Variants in DNAJC5B observed in about 807,000 individuals in gnomAD.
DNAJC5B encodes the protein dnaJ homolog subfamily C member 5B.
In DNAJC5B, 23 loss-of-function variants were observed where a neutral mutation model predicts 24.7. The ratio of observed to expected loss-of-function variants is 0.93; its 90% CI spans 0.67 to 1.32. The LOEUF (loss-of-function observed/expected upper bound fraction) is 1.32, where lower values mean the gene tolerates loss of function less well. Ranked by LOEUF, DNAJC5B falls within the 40% of genes most tolerant of loss-of-function variation. DNAJC5B has a pLI of 0.00. For synonymous variants in DNAJC5B, 101 were observed against 90.1 expected, an observed-to-expected ratio of 1.12 and a Z score of -0.68; for missense variants, 238 against 240.8, an observed-to-expected ratio of 0.99 and a Z score of 0.08.
chr8:66,059,638 T>C (rs1332815726), intron 3 of DNAJC5B, among the ~76,000 whole-genome samples: 2 of 152,244 alleles, frequency 1.3e-5, no homozygotes, highest in African/African-American at 4.8e-5. Context: ...TTGGGTTCAC[T>C]GAAGAGTCTC....
At chr8:66,049,685 G>A (rs780731969) in intron 2 of DNAJC5B, among the ~76,000 whole-genome samples, 8 of 152,110 alleles carry the variant, frequency 5.3e-5, no homozygotes, top group South Asian at 2.1e-4. Context: ...CTGAATTGTC[G>A]GCTGTGGGTG....
At chr8:66,027,468 A>G (rs956754516) in intron 1 of DNAJC5B, among the ~76,000 whole-genome samples, 1 of 152,234 alleles carries the variant, frequency 6.6e-6, no homozygotes, top group African/African-American at 2.4e-5. Flanking sequence ...AAAGGAAGTG[A>G]AAGATTCACT....
rs989850876 is a variant in DNAJC5B, at chr8:66,087,758, C to T, written c.505+7210C>T. Among the ~76,000 whole-genome samples the T allele has an allele frequency of 3.9e-5, 6 of 152,188 alleles. No individual in the cohort carries two copies. The South Asian group carries it at 1.2e-3, about 31-fold the overall frequency. ...CAAAATCTCCTTTGATTTTATGTCT[C>T]ATATCTAGGGCATGTTGATGCAAGA... On this transcript the variant is annotated intron_variant, in intron 5 of 5. Coordinates refer to ENST00000276570, the MANE Select transcript of DNAJC5B (RefSeq NM_033105.6).
chr8:66,017,923 A>C (rs1805996607), upstream of DNAJC5B, among the ~76,000 whole-genome samples: 1 of 152,242 alleles, frequency 6.6e-6, no homozygotes, highest in South Asian at 2.1e-4. Flanking sequence ...ACCAAAAGCA[A>C]AATAAGAACA....
At chr8:66,032,880 A>G (rs1806389800) in intron 1 of DNAJC5B, among the ~76,000 whole-genome samples, 1 of 152,210 alleles carries the variant, frequency 6.6e-6, no homozygotes, top group South Asian at 2.1e-4. Flanking sequence ...ATCTTGTATA[A>G]AAGGAGCTCC....
At chr8:66,072,599 G>A (rs1473275640) in intron 3 of DNAJC5B, among the ~76,000 whole-genome samples, 2 of 152,070 alleles carry the variant, frequency 1.3e-5, no homozygotes, top group East Asian at 3.8e-4. Flanking sequence ...TAAATAGCTG[G>A]AAATTTTCCG....
chr8:66,038,507 G>C (rs1806536978), intron 1 of DNAJC5B, among the ~76,000 whole-genome samples: 1 of 152,208 alleles, frequency 6.6e-6, no homozygotes, highest in Admixed American at 6.5e-5. Context: ...TCATGGCTTT[G>C]TAGACTGCTT....
intron 1 of DNAJC5B, among the ~76,000 whole-genome samples, chr8:66,040,345 G>A (rs1480493537): frequency 2.6e-5 from 4 of 151,776 alleles, no homozygotes; most frequent in South Asian, 2.1e-4. Context: ...AGCCAAGATC[G>A]TGCCACTGCA....
chr8:66,019,484 T>A (rs946990661), upstream of DNAJC5B, among the ~76,000 whole-genome samples: 7 of 152,246 alleles, frequency 4.6e-5, no homozygotes, highest in Admixed American at 1.3e-4. Context: ...TTCTTCAAGG[T>A]ATTGGGACCA....
chr8:66,040,413 G>A (rs1268426147), intron 1 of DNAJC5B, among the ~76,000 whole-genome samples: 3 of 151,662 alleles, frequency 2.0e-5, no homozygotes, highest in Admixed American at 1.3e-4. Context: ...GACTTGCCCA[G>A]TGTTTAAGAA....
rs1459117788 is a variant in DNAJC5B, at chr8:66,079,937, G to A, written c.334-440G>A. On this transcript the variant is annotated intron_variant, in intron 4 of 5. Coordinates refer to ENST00000276570, the MANE Select transcript of DNAJC5B (RefSeq NM_033105.6). ...GACCAGCAGGAATGTGAGTGTAGGA[G>A]GGGGAGGTATCGGACAGTTCATTCT... Among the ~76,000 whole-genome samples, 5 of 152,220 alleles carry A rather than the reference G, an allele frequency of 3.3e-5. 1 individual carries two copies. In the South Asian group the frequency reaches 8.3e-4, roughly 25 times the overall value.
In DNAJC5B at chr8:66,052,412, T is replaced by G. The variant is rs536079665; in HGVS notation, c.119+746T>G. ...GGTCTAGTTCCAAGTTAGCTATTTT[T>G]GGAAAACTTTGAAATGTCTTTTTAT... On this transcript the variant is annotated intron_variant, in intron 3 of 5. Coordinates refer to ENST00000276570, the MANE Select transcript of DNAJC5B (RefSeq NM_033105.6). Among the ~76,000 whole-genome samples, 11 of 152,320 alleles carry G rather than the reference T, an allele frequency of 7.2e-5. No individual in the cohort carries two copies. The East Asian group carries it at 2.1e-3, about 29-fold the overall frequency.
chr8:66,053,002 A>T (rs1459646381), intron 3 of DNAJC5B, among the ~76,000 whole-genome samples: 1 of 152,056 alleles, frequency 6.6e-6, no homozygotes, highest in Non-Finnish European at 1.5e-5. Context: ...TGCAGCCTTG[A>T]ACTCCTGGGC....
At chr8:66,083,003 C>CTTTTTTTT (rs765749597) in intron 5 of DNAJC5B, among the ~76,000 whole-genome samples, 91 of 86,710 alleles carry the variant, frequency 1.0e-3, no homozygotes, top group African/African-American at 1.2e-3. Context: ...CTTTTCTTTT[C>CTTTTTTTT]TTTTTTTTTT....
Position 66,076,664 on chromosome 8 carries a change from T to A in DNAJC5B, c.124T>A (p.Leu42Met). ...NEEIKKTYRK[L>M]ALKHHPDKNP... The stretch of plus-strand genomic sequence containing the variant: ...GTTTTTCTTTTATTTTAAAAGAAAA[T>A]TGGCCCTGAAACACCATCCAGACAA... The change falls in exon 4 of 6, where the codon TTG becomes ATG. Residue 42 changes from leucine to methionine, a missense_variant. By Grantham distance (15) the Leu-to-Met change is conservative (BLOSUM62 2). Transcript: ENST00000276570. The A allele has an allele frequency of 6.2e-7, 1 of 1,613,770 alleles. No homozygotes were observed. Among genetic ancestry groups the A allele is most frequent in the Non-Finnish European group, 8.5e-7 (1 of 1,179,934 alleles).
intron 1 of DNAJC5B, among the ~76,000 whole-genome samples, chr8:66,022,416 C>A (rs1301575099): frequency 6.6e-6 from 1 of 152,218 alleles, no homozygotes. Flanking sequence ...CCCATGTGGA[C>A]TCCCTTGGGT....
chr8:66,048,186 C>T (rs1378609074), intron 2 of DNAJC5B, among the ~76,000 whole-genome samples: 1 of 152,170 alleles, frequency 6.6e-6, no homozygotes, highest in Non-Finnish European at 1.5e-5. Context: ...GTACCCTTTC[C>T]TACACTGTGA....
intron 3 of DNAJC5B, among the ~76,000 whole-genome samples, chr8:66,066,069 G>A (rs1322535233): frequency 4.6e-5 from 7 of 152,184 alleles, no homozygotes; most frequent in Non-Finnish European, 1.5e-5. Context: ...ATAATTGGAT[G>A]TGTTAAATAG....
intron 5 of DNAJC5B, among the ~76,000 whole-genome samples, chr8:66,082,808 A>G (rs1289244388): frequency 6.6e-6 from 1 of 152,110 alleles, no homozygotes; most frequent in East Asian, 1.9e-4. Flanking sequence ...GAGAAAAAGA[A>G]ATCACAACAA....
Sources: gnomAD v4.1 joint callset for allele counts (sites outside exome capture counted in the v4.1 genomes callset) on GRCh38, gnomAD v4.1.1 for gene constraint, MANE v1.5 for transcripts, NCBI Gene and HGNC (gene_info 2026-07-23, HGNC 2026-07-21) for gene names.